ATP13A4: variants seen among roughly 807,000 people sequenced by gnomAD.
The protein encoded by ATP13A4 is ATPase 13A4.
In ATP13A4, 114 loss-of-function variants were observed where a neutral mutation model predicts 142.5. The observed-to-expected ratio is 0.80, with a 90% confidence interval of 0.69 to 0.93. The LOEUF (loss-of-function observed/expected upper bound fraction) is 0.93. ATP13A4 is among the 40% of genes least tolerant of loss of function. The probability of loss-of-function intolerance (pLI) is 0.00; values close to 1 mark genes in which losing one functional copy is unlikely to be tolerated. For synonymous variants in ATP13A4, 488 were observed against 514.8 expected, an observed-to-expected ratio of 0.95 and a Z score of 0.70; for missense variants, 1,392 against 1,454.0, an observed-to-expected ratio of 0.96 and a Z score of 0.69.
intron 18 of ATP13A4, among the ~76,000 whole-genome samples, chr3:193,445,021 A>C (rs1209600097): frequency 6.6e-6 from 1 of 152,210 alleles, no homozygotes; most frequent in Non-Finnish European, 1.5e-5. Flanking sequence ...CTGACAGAAA[A>C]ATCTAACAAC....
At chr3:193,542,893 C>T (rs145713268) in intron 1 of ATP13A4, among the ~76,000 whole-genome samples, 23 of 152,240 alleles carry the variant, frequency 1.5e-4, no homozygotes, top group African/African-American at 5.1e-4. Context: ...AGGCCAGGCA[C>T]GGTGGCTCAC....
chr3:193,433,885 C>T lies in ATP13A4; in HGVS notation c.2802G>A (p.Leu934=). 1 of 1,613,832 alleles carries T rather than the reference C, an allele frequency of 6.2e-7. No homozygotes were observed. The highest frequency in any genetic ancestry group is 8.5e-7 in the Non-Finnish European group (1 of 1,179,792). Residue 934 remains leucine (L), a synonymous_variant, in exon 25 of 30, where the codon CTG becomes CTA. Transcript: ENST00000342695. ...ETNSLSNYQF[L]FQDLAITTLI... is the part of the protein sequence containing the mutation. ...GAGTTGTAATGGCCAGATCCTGGAA[C>T]AGAAACTGGTAATTTGAAAGGCTGT...
intron 1 of ATP13A4, among the ~76,000 whole-genome samples, chr3:193,529,994 G>T (rs1197794098): frequency 6.6e-6 from 1 of 152,070 alleles, no homozygotes; most frequent in Non-Finnish European, 1.5e-5. Flanking sequence ...GCATTCCAGG[G>T]CCACCCATGG....
chr3:193,442,276 C>G (rs1213039240), intron 19 of ATP13A4, 117 bp downstream of exon 19: 3 of 1,134,732 alleles, frequency 2.6e-6, no homozygotes, highest in Non-Finnish European at 1.3e-6. Context: ...TGAGTTCGTT[C>G]AAAAGCATGA....
chr3:193,467,120 C>G (rs1334898863), intron 10 of ATP13A4, among the ~76,000 whole-genome samples, 196 bp downstream of exon 10: 1 of 152,100 alleles, frequency 6.6e-6, no homozygotes, highest in Non-Finnish European at 1.5e-5. Context: ...GCTTATTTCA[C>G]ATGGCAGGCC....
intron 7 of ATP13A4, among the ~76,000 whole-genome samples, chr3:193,488,018 C>T (rs552893940): frequency 3.3e-5 from 5 of 152,270 alleles, no homozygotes; most frequent in Non-Finnish European, 5.9e-5. Context: ...AATCCCAGCA[C>T]TTTGGGAGGC....
At chr3:193,458,916 A>G (rs1013617006) in intron 14 of ATP13A4, 165 bp downstream of exon 14, 5 of 865,860 alleles carry the variant, frequency 5.8e-6, no homozygotes, top group Non-Finnish European at 9.8e-6. Flanking sequence ...TATTAGCTTC[A>G]TTGCACAGAT....
At chr3:193,477,720 T>TGCATCTG (rs1180344866) in intron 8 of ATP13A4, among the ~76,000 whole-genome samples, 22 of 152,198 alleles carry the variant, frequency 1.4e-4, no homozygotes, top group Non-Finnish European at 4.4e-5. Context: ...AGATGACTAC[T>TGCATCTG]GAGTTCAGAA....
At chr3:193,510,720 C>T (rs760398846) in intron 2 of ATP13A4, among the ~76,000 whole-genome samples, 37 of 151,692 alleles carry the variant, frequency 2.4e-4, no homozygotes, top group Admixed American at 1.8e-3. Context: ...AGTACATCAC[C>T]GTCTTTTTTT....
intron 3 of ATP13A4, among the ~76,000 whole-genome samples, 185 bp from the exon 4 acceptor site, chr3:193,493,345 G>C (rs879503350): frequency 2.6e-5 from 4 of 151,988 alleles, no homozygotes; most frequent in Non-Finnish European, 4.4e-5. Context: ...TTTATTAGAA[G>C]TCATCATTCA....
At chr3:193,524,002 CT>C in intron 1 of ATP13A4, among the ~76,000 whole-genome samples, 1 of 152,188 alleles carries the variant, frequency 6.6e-6, no homozygotes, top group Non-Finnish European at 1.5e-5. Flanking sequence ...CACTTCCCTT[CT>C]GCTTTCCATC....
At chr3:193,483,513 G>A (rs1719416187) in intron 8 of ATP13A4, among the ~76,000 whole-genome samples, 2 of 152,178 alleles carry the variant, frequency 1.3e-5, no homozygotes. Context: ...CACCCAGGCT[G>A]GAGTACAGTG....
intron 2 of ATP13A4, among the ~76,000 whole-genome samples, chr3:193,508,207 T>C (rs952294224): frequency 3.9e-5 from 6 of 152,228 alleles, no homozygotes; most frequent in Non-Finnish European, 5.9e-5. Flanking sequence ...CCCAGAACTA[T>C]GAAACAATAA....
intron 26 of ATP13A4, among the ~76,000 whole-genome samples, chr3:193,413,825 C>A (rs1159796750): frequency 6.6e-6 from 1 of 152,138 alleles, no homozygotes; most frequent in Non-Finnish European, 1.5e-5. Flanking sequence ...TGAACATAGA[C>A]CTTTATCAGG....
Position 193,489,868 on chromosome 3 carries a change from T to C in ATP13A4, c.604-4A>G, listed in dbSNP as rs1719850365. The C allele has an allele frequency of 1.2e-6, 2 of 1,612,536 alleles. No homozygotes were observed. The highest frequency in any genetic ancestry group is 1.3e-5 in the African/African-American group (1 of 74,992). On this transcript the variant is annotated splice_region_variant and splice_polypyrimidine_tract_variant and intron_variant, in intron 6 of 29. Coordinates refer to ENST00000342695, the MANE Select transcript of ATP13A4 (RefSeq NM_032279.4). The stretch of plus-strand genomic sequence containing the variant: ...ATATATAAAATGGATTTAGAACCTG[T>C]TGGCAGACATAAAAACAGGAAGACA...
At position 193,575,018 on chromosome 3, in the gene ATP13A4, T is replaced by G. The variant is rs151159300; in HGVS notation, n.291+6689A>C. Among the ~76,000 whole-genome samples, 443 of 152,316 alleles carry G rather than the reference T, an allele frequency of 2.9e-3. 3 individuals carry two copies. The highest frequency in any genetic ancestry group is 0.017 in the South Asian group (81 of 4,832). Reference sequence around the variant, plus strand: ...TAAGACACTGGCAGCTTCCACTTCCTGTCACTTGGAATACTTTCTCTAGGA... The same window carrying G: ...TAAGACACTGGCAGCTTCCACTTCCGGTCACTTGGAATACTTTCTCTAGGA... On this transcript the variant is annotated intron_variant and non_coding_transcript_variant, in intron 2 of 3. Coordinates refer to the ATP13A4 transcript ENST00000489140.
chr3:193,465,063 T>A lies in ATP13A4; in HGVS notation c.1338A>T (p.Leu446=), dbSNP rs528890281. Residue 446 remains leucine (L), a synonymous_variant, in exon 12 of 30, where the codon CTA becomes CTT. Coordinates refer to ENST00000342695, the MANE Select transcript of ATP13A4 (RefSeq NM_032279.4). The part of the protein sequence containing the change: ...DVITIAVPPA[L]PAALTTGIIY... ...TAATGCCTGTGGTCAGAGCAGCAGG[T>A]AGAGCCGGAGGAACCGCAATTGTGA... is the stretch of plus-strand genomic sequence containing the variant. 21 of 1,614,134 alleles carry A rather than the reference T, an allele frequency of 1.3e-5. No homozygotes were observed. In the African/African-American group the frequency reaches 2.7e-4, roughly 20 times the overall value.
chr3:193,409,896 G>C (rs1247462813), intron 28 of ATP13A4, among the ~76,000 whole-genome samples: 1 of 152,104 alleles, frequency 6.6e-6, no homozygotes, highest in African/African-American at 2.4e-5. Context: ...TTTGTGGAAG[G>C]CACTGGTAAT....
At position 193,478,751 on chromosome 3, in the gene ATP13A4, C is replaced by T. The variant is rs560525966; in HGVS notation, c.808+5185G>A. Among the ~76,000 whole-genome samples, 14 of 152,144 alleles carry T rather than the reference C, an allele frequency of 9.2e-5. No individual in the cohort carries two copies. The South Asian group carries it at 2.5e-3, about 27-fold the overall frequency. ...CCACAGGATAGAGAAAGAGGAAATCCTCCCTAAATCATTTTTTGAAGCCAG... is the reference window on the plus strand; with the variant it reads ...CCACAGGATAGAGAAAGAGGAAATCTTCCCTAAATCATTTTTTGAAGCCAG... On this transcript the variant is annotated intron_variant, in intron 8 of 29. Coordinates refer to ENST00000342695, the MANE Select transcript of ATP13A4 (RefSeq NM_032279.4).
Sources: gnomAD v4.1 joint callset for allele counts (sites outside exome capture counted in the v4.1 genomes callset) on GRCh38, gnomAD v4.1.1 for gene constraint, MANE v1.5 for transcripts, NCBI Gene and HGNC (gene_info 2026-07-23, HGNC 2026-07-21) for gene names.